Variants in AOPEP observed in about 807,000 individuals in gnomAD.
AOPEP encodes the protein aminopeptidase O (putative), also known as aminopeptidase O.
AOPEP carries 77 observed loss-of-function variants against 98.1 expected under a neutral mutation model. That is an observed-to-expected ratio of 0.78 (90% CI 0.65 to 0.95). AOPEP has a LOEUF of 0.95. AOPEP is among the 40% of genes least tolerant of loss of function. The probability of loss-of-function intolerance (pLI) is 0.00; values close to 1 mark genes in which losing one functional copy is unlikely to be tolerated. For synonymous variants in AOPEP, 346 were observed against 365.3 expected, an observed-to-expected ratio of 0.95 and a Z score of 0.60; for missense variants, 1,024 against 1,024.7, an observed-to-expected ratio of 1.00 and a Z score of 0.01.
intron 3 of AOPEP, among the ~76,000 whole-genome samples, chr9:94,773,484 A>G (rs1841346423): frequency 6.6e-6 from 1 of 152,132 alleles, no homozygotes; most frequent in Non-Finnish European, 1.5e-5. Flanking sequence ...CAGGTGTACC[A>G]TGGAAACACC....
At chr9:94,732,561 G>A (rs1026598926) in intron 1 of AOPEP, among the ~76,000 whole-genome samples, 1 of 152,104 alleles carries the variant, frequency 6.6e-6, no homozygotes, top group African/African-American at 2.4e-5. Flanking sequence ...CCCTATTGGT[G>A]TTTAATAATG....
chr9:95,062,475 G>A lies in AOPEP; in HGVS notation c.2232+1665G>A, dbSNP rs546102132. ...TGAGGAGTTTTGTTGGCTGAGCAGC[G>A]TGTTCGGGATGTAGCGGCTGCAAGT... On this transcript the variant is annotated intron_variant, in intron 14 of 16. Transcript: ENST00000375315. Among the ~76,000 whole-genome samples, 4 of 152,332 alleles carry A rather than the reference G, an allele frequency of 2.6e-5. No homozygotes were observed. In the South Asian group the frequency reaches 6.2e-4, roughly 24 times the overall value.
chr9:95,137,863 G>C, the AOPEP span, among the ~76,000 whole-genome samples: 1 of 152,260 alleles, frequency 6.6e-6, no homozygotes. Flanking sequence ...TGAACCCTGA[G>C]TGTGCCGGGC....
At chr9:94,748,419 CTA>C (rs906593395) in intron 1 of AOPEP, among the ~76,000 whole-genome samples, 23 of 152,118 alleles carry the variant, frequency 1.5e-4, no homozygotes, top group African/African-American at 5.1e-4. Flanking sequence ...AAAATTTTAA[CTA>C]TTTTTAAATA....
chr9:94,867,196 A>T, intron 5 of AOPEP, among the ~76,000 whole-genome samples: 1 of 152,246 alleles, frequency 6.6e-6, no homozygotes, highest in East Asian at 1.9e-4. Flanking sequence ...TTTCTCTGAA[A>T]TTTTGAAGTG....
intron 1 of AOPEP, among the ~76,000 whole-genome samples, chr9:94,745,349 C>A (rs1410704739): frequency 6.6e-6 from 1 of 151,374 alleles, no homozygotes; most frequent in African/African-American, 2.4e-5. Context: ...GATCTCGGCT[C>A]ACTGCAAGCT....
chr9:94,797,670 G>T (rs1410596993), intron 4 of AOPEP, among the ~76,000 whole-genome samples: 1 of 150,782 alleles, frequency 6.6e-6, no homozygotes, highest in African/African-American at 2.4e-5. Context: ...AGAACATTCA[G>T]TCTCCACAGT....
At chr9:94,878,886 A>G (rs1304149328) in intron 5 of AOPEP, among the ~76,000 whole-genome samples, 4 of 152,230 alleles carry the variant, frequency 2.6e-5, no homozygotes, top group Non-Finnish European at 1.5e-5. Flanking sequence ...AGAAAGAGTA[A>G]TTCACGCAGA....
At chr9:95,098,224 C>T in the AOPEP span, among the ~76,000 whole-genome samples, 1 of 152,214 alleles carries the variant, frequency 6.6e-6, no homozygotes, top group South Asian at 2.1e-4. Flanking sequence ...TGGATTCACT[C>T]TGCCAGGCTC....
intron 5 of AOPEP, among the ~76,000 whole-genome samples, chr9:94,863,265 TC>T (rs2045285484): frequency 6.8e-6 from 1 of 146,002 alleles, no homozygotes; most frequent in African/African-American, 2.5e-5. Context: ...GTTTCCCTCT[TC>T]TTTCTCTTTT....
chr9:95,032,017 G>A (rs1328674166), intron 13 of AOPEP, among the ~76,000 whole-genome samples: 1 of 152,102 alleles, frequency 6.6e-6, no homozygotes, highest in Non-Finnish European at 1.5e-5. Context: ...TGTACTTTGT[G>A]GTTTCTCTCA....
At chr9:94,884,056 A>C (rs1356256089) in intron 5 of AOPEP, among the ~76,000 whole-genome samples, 1 of 152,214 alleles carries the variant, frequency 6.6e-6, no homozygotes, top group Non-Finnish European at 1.5e-5. Flanking sequence ...TCCCTGCTTC[A>C]TGCGCACCTG....
intron 13 of AOPEP, among the ~76,000 whole-genome samples, chr9:95,039,275 T>G (rs538357766): frequency 3.3e-5 from 5 of 152,084 alleles, no homozygotes; most frequent in Non-Finnish European, 7.4e-5. Context: ...TTTTAAAAAC[T>G]GAAATTGTTG....
chr9:94,886,272 C>T (rs2048230901), intron 5 of AOPEP, among the ~76,000 whole-genome samples: 1 of 152,138 alleles, frequency 6.6e-6, no homozygotes, highest in African/African-American at 2.4e-5. Context: ...AGCCAGGGAC[C>T]AGGTGTGCTG....
At chr9:95,048,502 C>G (rs945342586) in intron 13 of AOPEP, among the ~76,000 whole-genome samples, 10 of 152,086 alleles carry the variant, frequency 6.6e-5, no homozygotes, top group African/African-American at 2.4e-4. Context: ...GAGATACTCA[C>G]GGGCGCGGGA....
intron 9 of AOPEP, among the ~76,000 whole-genome samples, chr9:94,963,762 T>G (rs536228803): frequency 8.5e-5 from 13 of 152,144 alleles, no homozygotes; most frequent in Non-Finnish European, 8.8e-5. Context: ...GATTTATAAT[T>G]TGCTTTCACA....
At chr9:95,023,613 C>CA (rs538871898) in intron 13 of AOPEP, among the ~76,000 whole-genome samples, 31 of 152,260 alleles carry the variant, frequency 2.0e-4, no homozygotes, top group Middle Eastern at 6.8e-3. Flanking sequence ...TGGTTATCCA[C>CA]AAAAAAATGC....
chr9:94,745,278 ATT>A (rs547764225), intron 1 of AOPEP, among the ~76,000 whole-genome samples: 11 of 141,780 alleles, frequency 7.8e-5, no homozygotes, highest in Non-Finnish European at 6.2e-5. Flanking sequence ...AATTGTTTTA[ATT>A]TTTTTTTTTT....
the AOPEP span, among the ~76,000 whole-genome samples, chr9:95,109,088 A>T: frequency 6.6e-6 from 1 of 151,868 alleles, no homozygotes; most frequent in African/African-American, 2.4e-5. Flanking sequence ...TTCTTTATTT[A>T]TTTTTTTGTA....
Sources: allele counts gnomAD v4.1 joint callset (sites outside exome capture counted in the v4.1 genomes callset), GRCh38; gene constraint gnomAD v4.1.1; transcripts MANE v1.5; gene names NCBI Gene and HGNC (gene_info 2026-07-23, HGNC 2026-07-21).